The following CFAP61 variants were observed in gnomAD, a reference collection of about 807,000 sequenced individuals.
The protein encoded by CFAP61 is cilia and flagella associated protein 61, also known as cilia- and flagella-associated protein 61.
CFAP61 carries 107 observed loss-of-function variants against 135.6 expected under a neutral mutation model. The observed-to-expected ratio is 0.79, with a 90% CI of 0.67 to 0.93. CFAP61 has a LOEUF of 0.93. CFAP61 is among the 40% of genes least tolerant of loss of function. The probability of loss-of-function intolerance (pLI) is 0.00; values close to 1 mark genes in which losing one functional copy is unlikely to be tolerated. For missense variants in CFAP61, 1,507 were observed against 1,556.2 expected, an observed-to-expected ratio of 0.97 and a Z score of 0.53; for synonymous variants, 575 against 578.5, an observed-to-expected ratio of 0.99 and a Z score of 0.09.
At chr20:20,222,316 A>AT (rs2048457130) in intron 17 of CFAP61, among the ~76,000 whole-genome samples, 1 of 152,216 alleles carries the variant, frequency 6.6e-6, no homozygotes, top group Non-Finnish European at 1.5e-5. Flanking sequence ...AAAGAGAAAT[A>AT]TAAGAAAAAT....
chr20:20,345,462 A>T (rs562879667), intron 26 of CFAP61, among the ~76,000 whole-genome samples: 5 of 152,338 alleles, frequency 3.3e-5, no homozygotes, highest in Admixed American at 6.5e-5. Flanking sequence ...TTCACCTTCT[A>T]CCTTGTCTTC....
intron 1 of CFAP61, 138 bp from the exon 2 acceptor site, chr20:20,056,480 T>C (rs2146530780): frequency 1.6e-6 from 1 of 623,582 alleles, no homozygotes; most frequent in South Asian, 2.1e-5. Context: ...CAGTGACAGT[T>C]GTCACAGACT....
chr20:20,176,373 A>G (rs2054625874), intron 13 of CFAP61, among the ~76,000 whole-genome samples: 1 of 150,748 alleles, frequency 6.6e-6, no homozygotes, highest in Non-Finnish European at 1.5e-5. Flanking sequence ...AAAGGAATAT[A>G]AATCATTCTA....
intron 15 of CFAP61, among the ~76,000 whole-genome samples, chr20:20,193,661 T>A (rs546490355): frequency 6.6e-6 from 1 of 152,280 alleles, no homozygotes; most frequent in African/African-American, 2.4e-5. Context: ...TCCCCTAGGC[T>A]GGAGTTCAGT....
chr20:20,118,447 TCTC>T (rs1371649540), intron 8 of CFAP61, among the ~76,000 whole-genome samples: 1 of 151,870 alleles, frequency 6.6e-6, no homozygotes, highest in Non-Finnish European at 1.5e-5. Flanking sequence ...TTCAAGCAGT[TCTC>T]CTGCTTCAGC....
At chr20:20,309,505 G>A (rs1490544832) in intron 25 of CFAP61, among the ~76,000 whole-genome samples, 1 of 152,198 alleles carries the variant, frequency 6.6e-6, no homozygotes, top group Admixed American at 6.5e-5. Context: ...TGAGGCAAGG[G>A]AGAACCAGAG....
At chr20:20,241,457 T>C (rs980804535) in intron 18 of CFAP61, among the ~76,000 whole-genome samples, 3 of 152,234 alleles carry the variant, frequency 2.0e-5, no homozygotes, top group Admixed American at 1.3e-4. Context: ...CTTTGTACTA[T>C]ATCATTATAG....
Position 20,360,236 on chromosome 20 carries a change from G to T in CFAP61, c.3540G>T (p.Gln1180His). The T allele has an allele frequency of 6.2e-7, 1 of 1,613,892 alleles. No individual in the cohort carries two copies. Among genetic ancestry groups the T allele is most frequent in the South Asian group, 1.1e-5 (1 of 91,078 alleles). The change falls in exon 27 of 27, where the codon CAG becomes CAT. Residue 1180 changes from glutamine (Q) to histidine (H), a missense_variant. Physicochemically the swap from Gln to His is conservative, Grantham distance 24 (BLOSUM62 0). Coordinates refer to ENST00000245957, the MANE Select transcript of CFAP61 (RefSeq NM_015585.4). ...AGGAAGATCTTCCTTCCATAGAGCA[G>T]TTAGCCCATCAAATAGAAGATGAGG... The part of the protein sequence containing the change: ...KEEEDLPSIE[Q>H]LAHQIEDEEI...
chr20:20,153,912 G>T (rs113466767), intron 9 of CFAP61, among the ~76,000 whole-genome samples: 5 of 152,010 alleles, frequency 3.3e-5, no homozygotes, highest in African/African-American at 1.2e-4. Context: ...AACCAAAAAA[G>T]AAAACTATAG....
intron 15 of CFAP61, among the ~76,000 whole-genome samples, chr20:20,194,585 A>T (rs2056155103): frequency 6.6e-6 from 1 of 152,244 alleles, no homozygotes; most frequent in Non-Finnish European, 1.5e-5. Flanking sequence ...TGTCCATGTC[A>T]TGAGTGAAAG....
At position 20,360,257 on chromosome 20, in the gene CFAP61, T is replaced by C; in HGVS notation, c.3561T>C (p.Asp1187=). Residue 1187 remains aspartate (D), a synonymous_variant, in exon 27 of 27, where the codon GAT becomes GAC. Transcript: ENST00000245957. ...SIEQLAHQIE[D]EEINPTEKPR... is the part of the protein sequence containing the mutation. Reference sequence around the variant, plus strand: ...AGCAGTTAGCCCATCAAATAGAAGATGAGGAAATCAACCCGACTGAGAAGC... The same window carrying C: ...AGCAGTTAGCCCATCAAATAGAAGACGAGGAAATCAACCCGACTGAGAAGC... 2 of 1,613,886 alleles carry C rather than the reference T, an allele frequency of 1.2e-6. No homozygotes were observed. The highest frequency in any genetic ancestry group is 8.5e-7 in the Non-Finnish European group (1 of 1,179,992).
chr20:20,088,960 T>C (rs1353515868), intron 6 of CFAP61, among the ~76,000 whole-genome samples: 1 of 151,990 alleles, frequency 6.6e-6, no homozygotes, highest in East Asian at 1.9e-4. Context: ...GTGCATGCGG[T>C]CATTCAGTTT....
intron 8 of CFAP61, among the ~76,000 whole-genome samples, chr20:20,105,079 C>G (rs939426303): frequency 6.6e-6 from 1 of 152,118 alleles, no homozygotes; most frequent in Admixed American, 6.5e-5. Context: ...CTGCCTTCCT[C>G]TGGTCCCTAA....
chr20:20,317,575 A>G (rs531529794), intron 25 of CFAP61, among the ~76,000 whole-genome samples: 1 of 152,204 alleles, frequency 6.6e-6, no homozygotes, highest in Admixed American at 6.5e-5. Context: ...CACTCTATCT[A>G]GTAATTTGGG....
chr20:20,347,810 G>C (rs374490095), intron 26 of CFAP61, among the ~76,000 whole-genome samples: 31 of 151,726 alleles, frequency 2.0e-4, no homozygotes, highest in African/African-American at 7.0e-4. Context: ...GCACATATCT[G>C]TAATCCCAGC....
intron 13 of CFAP61, among the ~76,000 whole-genome samples, chr20:20,175,586 T>G (rs574590620): frequency 3.3e-5 from 5 of 151,924 alleles, no homozygotes; most frequent in African/African-American, 1.2e-4. Flanking sequence ...AGTGCAGTGG[T>G]GCAGTCTTGG....
At chr20:20,261,164 G>A (rs1428115307) in intron 20 of CFAP61, among the ~76,000 whole-genome samples, 1 of 152,134 alleles carries the variant, frequency 6.6e-6, no homozygotes, top group African/African-American at 2.4e-5. Flanking sequence ...CATTGGTTCT[G>A]TTTTGCTGTT....
At chr20:20,231,399 C>T (rs74173357) in intron 18 of CFAP61, among the ~76,000 whole-genome samples, 37 of 152,088 alleles carry the variant, frequency 2.4e-4, no homozygotes, top group Non-Finnish European at 4.1e-4. Context: ...GTCCCAGGAT[C>T]CCAGTCTTTT....
chr20:20,214,669 C>A (rs2047913590), intron 17 of CFAP61, among the ~76,000 whole-genome samples: 1 of 152,222 alleles, frequency 6.6e-6, no homozygotes, highest in Admixed American at 6.5e-5. Flanking sequence ...CCAAGTCACA[C>A]AAAGAAGACT....
Sources: allele counts gnomAD v4.1 joint callset (sites outside exome capture counted in the v4.1 genomes callset), GRCh38; gene constraint gnomAD v4.1.1; transcripts MANE v1.5; gene names NCBI Gene and HGNC (gene_info 2026-07-23, HGNC 2026-07-21).